The following RBFOX1 variants were observed in gnomAD, a reference collection of about 807,000 sequenced individuals.
RBFOX1 encodes the protein RNA binding protein fox-1 homolog 1.
In RBFOX1, 8 loss-of-function variants were observed where a neutral mutation model predicts 57.7. That is an observed-to-expected ratio of 0.14 (90% CI 0.08 to 0.25). The LOEUF is 0.25. RBFOX1 is among the 10% of genes least tolerant of loss of function. The pLI is 1.00. For missense variants in RBFOX1, 611 were observed against 548.5 expected (o/e 1.11, Z -1.14); for synonymous variants, 326 against 222.4 (o/e 1.47, Z -4.15).
Position 5,625,054 on chromosome 16 carries a change from A to T in RBFOX1, c.318+26093A>T, listed in dbSNP as rs115865216. ...CCCTCCATAGGCGGCTCTGGATTCT[A>T]TTTAAAATGGGATTCAGGGACATTG... On this transcript the variant is annotated intron_variant, in intron 3 of 19. Coordinates refer to the RBFOX1 transcript ENST00000641259. Among the ~76,000 whole-genome samples, 5 of 152,160 alleles carry T rather than the reference A, an allele frequency of 3.3e-5. No homozygotes were observed. In the East Asian group the frequency reaches 9.6e-4, roughly 29 times the overall value.
Position 6,789,596 on chromosome 16 carries a change from C to G in RBFOX1, c.-16+134946C>G, listed in dbSNP as rs528051677. Among the ~76,000 whole-genome samples the G allele has an allele frequency of 1.9e-4, 29 of 152,256 alleles. 1 individual carries two copies. In the South Asian group the frequency reaches 5.2e-3, roughly 27 times the overall value. On this transcript the variant is annotated intron_variant, in intron 3 of 15. Transcript: ENST00000550418. ...TCCATAGACAGTGGGGACTGTTTGACTCAGTGCTGTGCCCATCTTTGCATA... is the reference window on the plus strand; with the variant it reads ...TCCATAGACAGTGGGGACTGTTTGAGTCAGTGCTGTGCCCATCTTTGCATA...
chr16:6,520,095 A>G (rs2096469706), intron 2 of RBFOX1, among the ~76,000 whole-genome samples: 1 of 152,210 alleles, frequency 6.6e-6, no homozygotes, highest in South Asian at 2.1e-4. Flanking sequence ...AGGCACATTC[A>G]GTGAACTGCT....
chr16:5,774,115 C>G (rs1189137716), intron 3 of RBFOX1, among the ~76,000 whole-genome samples: 1 of 152,174 alleles, frequency 6.6e-6, no homozygotes, highest in Non-Finnish European at 1.5e-5. Flanking sequence ...AAAGCCCTTT[C>G]ACGTGCATCA....
In RBFOX1 at chr16:5,978,359, A is replaced by G. The variant is rs147819999; in HGVS notation, c.351+111024A>G. On this transcript the variant is annotated intron_variant, in intron 4 of 19. Transcript: ENST00000641259. Reference sequence around the variant, plus strand: ...AAAAAATAAAAAAAATAAGCTTTGTATTTGGGGATAATTTTGGATTTGCAG... The same window carrying G: ...AAAAAATAAAAAAAATAAGCTTTGTGTTTGGGGATAATTTTGGATTTGCAG... Among the ~76,000 whole-genome samples the G allele has an allele frequency of 5.2e-3, 790 of 152,150 alleles. 5 individuals are homozygous for G. Among genetic ancestry groups the G allele is most frequent in the African/African-American group, 0.017 (724 of 41,526 alleles).
At chr16:6,668,719 A>C (rs11646603) in intron 3 of RBFOX1, among the ~76,000 whole-genome samples, 12,469 of 152,152 alleles carry the variant, frequency 0.082, 617 homozygotes, top group African/African-American at 0.13. Flanking sequence ...CATCTCTTTG[A>C]AATTTTGTAT....
chr16:7,420,745 A>T lies in RBFOX1; in HGVS notation c.28-97402A>T, dbSNP rs1165272312. Reference sequence around the variant, plus strand: ...AATGTATGACTTCAATTACATCTAGAGCATTTTTTTCTTTATATTGATCTT... The same window carrying T: ...AATGTATGACTTCAATTACATCTAGTGCATTTTTTTCTTTATATTGATCTT... On this transcript the variant is annotated intron_variant, in intron 4 of 15. Transcript: ENST00000550418. Among the ~76,000 whole-genome samples, 4 of 151,482 alleles carry T rather than the reference A, an allele frequency of 2.6e-5. No individual in the cohort carries two copies. In the East Asian group the frequency reaches 7.8e-4, roughly 29 times the overall value.
At chr16:5,624,515 C>G (rs1407922043) in intron 3 of RBFOX1, among the ~76,000 whole-genome samples, 1 of 152,202 alleles carries the variant, frequency 6.6e-6, no homozygotes, top group Non-Finnish European at 1.5e-5. Flanking sequence ...ACTTTTAAAG[C>G]TCGTACCCAG....
At position 5,574,580 on chromosome 16, in the gene RBFOX1, AT is replaced by A. The variant is rs372235509; in HGVS notation, c.259-24316del. Among the ~76,000 whole-genome samples the A allele has an allele frequency of 5.7e-3, 867 of 151,968 alleles. 13 individuals carry two copies. The highest frequency in any genetic ancestry group is 0.02 in the African/African-American group (828 of 41,470). On this transcript the variant is annotated intron_variant, in intron 2 of 2. Transcript: ENST00000585867. ...ACGGTGCCTGCCACCACGCCCAGCA[AT>A]TTTTTGTTTGTTTGTTTGTTTGTAT...
chr16:7,193,770 A>G (rs573985751), intron 4 of RBFOX1, among the ~76,000 whole-genome samples: 1 of 152,224 alleles, frequency 6.6e-6, no homozygotes, highest in Non-Finnish European at 1.5e-5. Flanking sequence ...TCAGAATATT[A>G]GTACTAGACT....
chr16:6,641,978 G>A (rs2154074268), intron 2 of RBFOX1, among the ~76,000 whole-genome samples: 1 of 152,174 alleles, frequency 6.6e-6, no homozygotes, highest in South Asian at 2.1e-4. Flanking sequence ...ACAGGAACCC[G>A]TCAATGAAAG....
At chr16:7,465,417 A>G (rs979223530) in intron 4 of RBFOX1, among the ~76,000 whole-genome samples, 2 of 152,172 alleles carry the variant, frequency 1.3e-5, no homozygotes, top group Admixed American at 6.5e-5. Context: ...CTGTACATGT[A>G]AGTGAAATAG....
rs1360868077 is a variant in RBFOX1 at position 6,152,492 on chromosome 16, C to G, written c.-127+132500C>G. Among the ~76,000 whole-genome samples the G allele has an allele frequency of 3.9e-5, 6 of 152,222 alleles. 1 individual carries two copies. In the South Asian group the frequency reaches 1.2e-3, roughly 32 times the overall value. On this transcript the variant is annotated intron_variant, in intron 1 of 15. Transcript: ENST00000550418. ...GCAGCTTCTGGCATGAGATGAAAGT[C>G]AGATCAGCTCAAGTTGGGGTCAGAA...
chr16:6,898,436 A>G (rs528242375), intron 3 of RBFOX1, among the ~76,000 whole-genome samples: 2 of 152,146 alleles, frequency 1.3e-5, no homozygotes, highest in Admixed American at 1.3e-4. Context: ...CTGTGGTAGT[A>G]AGCATTTGGA....
chr16:5,545,505 G>A (rs762246938), intron 2 of RBFOX1, among the ~76,000 whole-genome samples: 2 of 151,956 alleles, frequency 1.3e-5, no homozygotes, highest in Non-Finnish European at 2.9e-5. Flanking sequence ...TATAAAAAGG[G>A]TAATATATCA....
chr16:7,413,394 G>A (rs968441478), intron 4 of RBFOX1, among the ~76,000 whole-genome samples: 3 of 151,948 alleles, frequency 2.0e-5, no homozygotes, highest in African/African-American at 7.3e-5. Context: ...AAACCTAGAT[G>A]TCCAGCCTTG....
intron 2 of RBFOX1, among the ~76,000 whole-genome samples, chr16:6,342,002 T>C (rs2084645602): frequency 6.6e-6 from 1 of 152,220 alleles, no homozygotes; most frequent in Non-Finnish European, 1.5e-5. Context: ...CAATAAAACA[T>C]AAAATACTTA....
chr16:5,763,371 C>G (rs749056308), intron 3 of RBFOX1, among the ~76,000 whole-genome samples: 1 of 152,166 alleles, frequency 6.6e-6, no homozygotes, highest in African/African-American at 2.4e-5. Flanking sequence ...GTGACTCGCT[C>G]CCAGCTACAG....
At chr16:6,549,728 A>G (rs1484296627) in intron 2 of RBFOX1, among the ~76,000 whole-genome samples, 2 of 152,078 alleles carry the variant, frequency 1.3e-5, no homozygotes, top group African/African-American at 4.8e-5. Flanking sequence ...CATGACCTAC[A>G]GAGTAAGGTA....
In RBFOX1 at chr16:6,652,171, C is replaced by T. The variant is rs562419417; in HGVS notation, c.-63-2432C>T. 2.6e-4 allele frequency among the ~76,000 whole-genome samples: 39 copies of T among 152,294 alleles called. No individual in the cohort carries two copies. In the South Asian group the frequency reaches 7.7e-3, roughly 30 times the overall value. On this transcript the variant is annotated intron_variant, in intron 2 of 15. Coordinates refer to ENST00000550418, the MANE Select transcript of RBFOX1 (RefSeq NM_018723.4). ...GGTGGCCTTAAAAGAAAGATGGCCACACCTTACGGTGGCTCACACCTGTAA... is the reference window on the plus strand; with the variant it reads ...GGTGGCCTTAAAAGAAAGATGGCCATACCTTACGGTGGCTCACACCTGTAA...
Sources: gnomAD v4.1 joint callset for allele counts (sites outside exome capture counted in the v4.1 genomes callset) on GRCh38, gnomAD v4.1.1 for gene constraint, MANE v1.5 for transcripts, NCBI Gene and HGNC (gene_info 2026-07-23, HGNC 2026-07-21) for gene names.